Variants in EDEM2 observed in about 807,000 individuals in gnomAD.
The protein encoded by EDEM2 is ER degradation-enhancing alpha-mannosidase-like protein 2.
A neutral mutation model predicts 64.8 loss-of-function variants in EDEM2; 39 were observed. The ratio of observed to expected loss-of-function variants is 0.60; its 90% CI spans 0.47 to 0.79. EDEM2 has a LOEUF of 0.79. EDEM2 is among the 30% of genes least tolerant of loss of function. The probability of loss-of-function intolerance (pLI) is 0.00; values close to 1 mark genes in which losing one functional copy is unlikely to be tolerated. For synonymous variants in EDEM2, 296 were observed against 291.5 expected, an observed-to-expected ratio of 1.02 and a Z score of -0.16; for missense variants, 609 against 731.3, an observed-to-expected ratio of 0.83 and a Z score of 1.93.
At position 35,126,164 on chromosome 20, in the gene EDEM2, C is replaced by A. The variant is rs1182453821; in HGVS notation, c.969+87G>T. ...CCAAAAAAAGTACTCAAGCAATTAA[C>A]AAAGTACATTATTTGACTTATACAT... On this transcript the variant is annotated intron_variant, in intron 8 of 10. Coordinates refer to ENST00000374492, the MANE Select transcript of EDEM2 (RefSeq NM_018217.3). The A allele has an allele frequency of 9.8e-6, 15 of 1,534,126 alleles. 1 individual carries two copies. The South Asian group carries it at 1.9e-4, about 19-fold the overall frequency.
chr20:35,136,996 T>A (rs1235063271), intron 5 of EDEM2, among the ~76,000 whole-genome samples: 1 of 152,060 alleles, frequency 6.6e-6, no homozygotes, highest in Non-Finnish European at 1.5e-5. Context: ...AACAAATCCC[T>A]CTCGTTTTAA....
intron 2 of EDEM2, 33 bp from the exon 3 acceptor site, chr20:35,145,051 A>G (rs777153740): frequency 1.2e-6 from 2 of 1,612,406 alleles, no homozygotes; most frequent in Admixed American, 1.7e-5. Context: ...GCCGCTTAGT[A>G]AGAAAATCAA....
chr20:35,140,954 T>C (rs1222838962), intron 4 of EDEM2, among the ~76,000 whole-genome samples: 1 of 151,644 alleles, frequency 6.6e-6, no homozygotes, highest in Non-Finnish European at 1.5e-5. Flanking sequence ...ACCCCATCTC[T>C]ACTAAAAATA....
chr20:35,131,550 AG>A, intron 7 of EDEM2, 91 bp downstream of exon 7: 6 of 1,500,194 alleles, frequency 4.0e-6, no homozygotes, highest in South Asian at 3.7e-5. Context: ...TGGGAGATGG[AG>A]CAAGACTCTG....
intron 8 of EDEM2, 52 bp from the exon 9 acceptor site, chr20:35,124,086 C>A: frequency 6.3e-7 from 1 of 1,582,610 alleles, no homozygotes; most frequent in Non-Finnish European, 8.6e-7. Flanking sequence ...TAAAACCCCA[C>A]AGACAACCTT....
At chr20:35,117,680 T>C (rs1231874723) in intron 10 of EDEM2, among the ~76,000 whole-genome samples, 1 of 152,236 alleles carries the variant, frequency 6.6e-6, no homozygotes, top group African/African-American at 2.4e-5. Context: ...TGTTTTGTTG[T>C]TGTTTTGAAT....
At chr20:35,136,869 C>T (rs1046669023) in intron 5 of EDEM2, among the ~76,000 whole-genome samples, 1 of 152,016 alleles carries the variant, frequency 6.6e-6, no homozygotes, top group African/African-American at 2.4e-5. Context: ...TCAGAGCCTC[C>T]ACCACACCCT....
chr20:35,118,389 C>T (rs985557872), intron 10 of EDEM2: 6 of 643,456 alleles, frequency 9.3e-6, no homozygotes, highest in Non-Finnish European at 1.6e-5. Flanking sequence ...CTAATTCTAG[C>T]TCTACCTCTA....
Position 35,141,882 on chromosome 20 carries a change from C to T in EDEM2, c.364+491G>A, listed in dbSNP as rs1010179043. Among the ~76,000 whole-genome samples, 4 of 152,278 alleles carry T rather than the reference C, an allele frequency of 2.6e-5. No homozygotes were observed. In the South Asian group the frequency reaches 6.2e-4, roughly 24 times the overall value. Reference sequence around the variant, plus strand: ...AATAATCACTAACTACATGTGACTACTTAAATTTAATATCATTAAAATTAA... The same window carrying T: ...AATAATCACTAACTACATGTGACTATTTAAATTTAATATCATTAAAATTAA... On this transcript the variant is annotated intron_variant, in intron 4 of 10. Coordinates refer to ENST00000374492, the MANE Select transcript of EDEM2 (RefSeq NM_018217.3).
At position 35,134,187 on chromosome 20, in the gene EDEM2, T is replaced by C. The variant is rs146885029; in HGVS notation, c.702+551A>G. The C allele has an allele frequency of 1.0e-3, 453 of 453,422 alleles. 1 individual carries two copies. Among genetic ancestry groups the C allele is most frequent in the African/African-American group, 8.0e-3 (402 of 50,046 alleles). 28.1% of individuals were successfully genotyped at this position (453,422 alleles called of 1,614,324 possible). A position where few individuals can be genotyped will look rare whatever the true frequency, so the allele number is the denominator to read the frequency against. ...GATAAAGGGAAGCTCTGGTGTTAAATAAGTTTGGGAAATGTTAAATTAAAC... is the reference window on the plus strand; with the variant it reads ...GATAAAGGGAAGCTCTGGTGTTAAACAAGTTTGGGAAATGTTAAATTAAAC... On this transcript the variant is annotated intron_variant, in intron 6 of 10. Coordinates refer to ENST00000374492, the MANE Select transcript of EDEM2 (RefSeq NM_018217.3).
At position 35,134,738 on chromosome 20, in the gene EDEM2, C is replaced by T. The variant is rs2085551329; in HGVS notation, c.702G>A (p.Leu234=). The change falls in exon 6 of 11, where the codon CTG becomes CTA. Residue 234 remains leucine (L), a splice_region_variant and synonymous_variant. Coordinates refer to ENST00000374492, the MANE Select transcript of EDEM2 (RefSeq NM_018217.3). The part of the protein sequence containing the change: ...RLWESRSDIG[L]VGNHIDVLTG... ...ACAGGAAGGGCAGCAGCGAACCTAC[C>T]AGCCCGATATCTGACCGGCTCTCCC... 5.6e-6 allele frequency: 9 copies of T among 1,612,696 alleles called. No homozygotes were observed. Among genetic ancestry groups the T allele is most frequent in the Non-Finnish European group, 7.6e-6 (9 of 1,179,918 alleles).
chr20:35,140,477 C>A (rs2146112325), intron 4 of EDEM2, among the ~76,000 whole-genome samples: 1 of 152,234 alleles, frequency 6.6e-6, no homozygotes, highest in South Asian at 2.1e-4. Context: ...GACTCTATTT[C>A]AAACCAACAA....
chr20:35,143,207 G>A (rs12105996), intron 3 of EDEM2, among the ~76,000 whole-genome samples: 20,774 of 152,034 alleles, frequency 0.14, 1,749 homozygotes, highest in African/African-American at 0.24. Context: ...AAGCTTTCTC[G>A]GCCTCCTTTG....
intron 10 of EDEM2, 62 bp downstream of exon 10, chr20:35,118,536 A>C: frequency 1.2e-6 from 2 of 1,609,702 alleles, no homozygotes; most frequent in Non-Finnish European, 1.7e-6. Context: ...TCTACCCTTA[A>C]AGAGGCTTTT....
chr20:35,145,086 G>C, intron 2 of EDEM2, 68 bp from the exon 3 acceptor site: 1 of 1,536,548 alleles, frequency 6.5e-7, no homozygotes, highest in Admixed American at 1.7e-5. Context: ...GGCTGCCCTA[G>C]ATCTGATCCC....
chr20:35,115,794 G>A lies in EDEM2; in HGVS notation c.1376C>T (p.Thr459Ile). ...NNGSTFDAVI[T>I]PYGECILGAG... ...CCCCAGGATGCACTCCCCATAGGGG[G>A]TGATCACCGCGTCGAAGGTGGACCC... The change falls in exon 11 of 11, where the codon ACC (threonine) becomes ATC (isoleucine). Residue 459 changes from threonine to isoleucine, a missense_variant. Thr to Ile is a moderately conservative substitution (Grantham distance 89). Coordinates refer to ENST00000374492, the MANE Select transcript of EDEM2 (RefSeq NM_018217.3). The A allele has an allele frequency of 1.2e-6, 2 of 1,614,192 alleles. No homozygotes were observed. The highest frequency in any genetic ancestry group is 1.7e-6 in the Non-Finnish European group (2 of 1,180,042).
Position 35,115,492 on chromosome 20 carries a change from T to C in EDEM2, c.1678A>G (p.Ser560Gly). The C allele has an allele frequency of 6.2e-7, 1 of 1,613,340 alleles. No homozygotes were observed. ...GCCAACTTGGAGGTGAAGGGCTGAC[T>C]GGGGCAGCTGAGAAGTGGGACCTTC... is the stretch of plus-strand genomic sequence containing the variant. ...KQKVPLLSCP[S>G]QPFTSKLALL... The change falls in exon 11 of 11, where the codon AGT becomes GGT. Residue 560 changes from serine (S) to glycine (G), a missense_variant. Ser to Gly is a moderately conservative substitution (Grantham distance 56). Transcript: ENST00000374492.
chr20:35,135,092 A>G, intron 5 of EDEM2, 143 bp from the exon 6 acceptor site: 2 of 828,296 alleles, frequency 2.4e-6, no homozygotes, highest in Non-Finnish European at 3.8e-6. Flanking sequence ...AGAAAGATAA[A>G]TGTCATAACT....
At chr20:35,135,948 A>G (rs1471777351) in intron 5 of EDEM2, among the ~76,000 whole-genome samples, 5 of 152,286 alleles carry the variant, frequency 3.3e-5, no homozygotes, top group African/African-American at 4.8e-5. Flanking sequence ...GTGGCACCCA[A>G]GTGCCTTCTG....
Sources: allele counts gnomAD v4.1 joint callset (sites outside exome capture counted in the v4.1 genomes callset), GRCh38; gene constraint gnomAD v4.1.1; transcripts MANE v1.5; gene names NCBI Gene and HGNC (gene_info 2026-07-23, HGNC 2026-07-21).